TP63: variants seen among roughly 807,000 people sequenced by gnomAD.
TP63 encodes the protein tumor protein 63.
In TP63, 17 loss-of-function variants were observed where a neutral mutation model predicts 82.8. The ratio of observed to expected loss-of-function variants is 0.21; its 90% CI spans 0.14 to 0.31. The LOEUF is 0.31. Among genes scored for constraint, TP63 ranks in the 10% least tolerant of loss-of-function variants. The pLI is 1.00. For synonymous variants in TP63, 330 were observed against 321.7 expected, an observed-to-expected ratio of 1.03 and a Z score of -0.28; for missense variants, 648 against 895.3, an observed-to-expected ratio of 0.72 and a Z score of 3.52.
At chr3:189,891,117 A>G (rs1376697366) in intron 13 of TP63, among the ~76,000 whole-genome samples, 2 of 152,206 alleles carry the variant, frequency 1.3e-5, no homozygotes, top group African/African-American at 4.8e-5. Context: ...ACAATTGTCT[A>G]TTGCACTTAC....
chr3:189,840,846 G>GACTCA (rs1415045869), intron 4 of TP63, among the ~76,000 whole-genome samples: 2 of 114,984 alleles, frequency 1.7e-5, no homozygotes, highest in East Asian at 5.2e-4. Flanking sequence ...GACAGAGCAA[G>GACTCA]ACTCAGTCTC....
intron 1 of TP63, among the ~76,000 whole-genome samples, chr3:189,679,837 G>T (rs1375360372): frequency 6.6e-6 from 1 of 152,028 alleles, no homozygotes; most frequent in East Asian, 1.9e-4. Flanking sequence ...TCTTGACGTG[G>T]ATATTCAATT....
intron 1 of TP63, among the ~76,000 whole-genome samples, chr3:189,637,563 C>T (rs1711500903): frequency 6.6e-6 from 1 of 152,130 alleles, no homozygotes; most frequent in Non-Finnish European, 1.5e-5. Flanking sequence ...AAAATAGTAA[C>T]AGAACCAGGA....
the TP63 span, among the ~76,000 whole-genome samples, chr3:189,610,802 G>T: frequency 6.6e-6 from 1 of 152,096 alleles, no homozygotes; most frequent in Non-Finnish European, 1.5e-5. Flanking sequence ...CCTAGGCTGT[G>T]AAGAAAAAGA....
intron 10 of TP63, among the ~76,000 whole-genome samples, chr3:189,884,628 T>C (rs914221490): frequency 2.6e-5 from 4 of 152,194 alleles, no homozygotes; most frequent in Non-Finnish European, 5.9e-5. Context: ...TGAAATGTTT[T>C]ATAGTTGGGA....
intron 3 of TP63, among the ~76,000 whole-genome samples, chr3:189,750,479 T>A (rs796201453): frequency 2.2e-4 from 33 of 152,322 alleles, no homozygotes; most frequent in African/African-American, 7.9e-4. Flanking sequence ...GGACTTGAAA[T>A]GTTCTCAACA....
At chr3:189,864,148 A>C in intron 4 of TP63, 84 bp from the exon 5 acceptor site, 1 of 1,584,200 alleles carries the variant, frequency 6.3e-7, no homozygotes, top group Non-Finnish European at 8.7e-7. Context: ...AAGTGGACAG[A>C]TTTTCATTGT....
Position 189,866,742 on chromosome 3 carries a change from T to C in TP63, c.827T>C (p.Val276Ala). 6.2e-7 allele frequency: 1 copy of C among 1,614,080 alleles called. No homozygotes were observed. The highest frequency in any genetic ancestry group is 8.5e-7 in the Non-Finnish European group (1 of 1,180,006). Residue 276 changes from valine to alanine, a missense_variant, in exon 6 of 14, where the codon GTA becomes GCA. Physicochemically the swap from Val to Ala is moderately conservative, Grantham distance 64. Around this residue, in one of 5 missense-constraint regions of TP63, gnomAD observed 30 missense variants for 26.4 expected, o/e 1.14. Coordinates refer to ENST00000264731, the MANE Select transcript of TP63 (RefSeq NM_003722.5). ...GAGGGGAACAGCCATGCCCAGTATG[T>C]AGAAGATCCCATCACAGGAAGACAG... is the stretch of plus-strand genomic sequence containing the variant. Reference protein sequence around the residue: ...RVEGNSHAQYVEDPITGRQSV... With the variant: ...RVEGNSHAQYAEDPITGRQSV...
chr3:189,714,537 T>C (rs539689570), intron 1 of TP63, among the ~76,000 whole-genome samples: 1 of 152,326 alleles, frequency 6.6e-6, no homozygotes, highest in Non-Finnish European at 1.5e-5. Context: ...TTCTTTTCTG[T>C]CCATCCTAGT....
intron 1 of TP63, among the ~76,000 whole-genome samples, chr3:189,726,195 C>T (rs1305539235): frequency 6.6e-6 from 1 of 152,128 alleles, no homozygotes; most frequent in African/African-American, 2.4e-5. Flanking sequence ...CTCGGTCTTA[C>T]TCTCTGGGTG....
chr3:189,655,621 C>CA (rs1170915225), intron 1 of TP63, among the ~76,000 whole-genome samples: 234 of 145,958 alleles, frequency 1.6e-3, no homozygotes, highest in Middle Eastern at 0.011. Context: ...GACTCTGTCT[C>CA]AAAAAAAAAG....
chr3:189,894,591 C>T lies in TP63; in HGVS notation c.*89C>T. 4 of 1,475,820 alleles carry T rather than the reference C, an allele frequency of 2.7e-6. No individual in the cohort carries two copies. The highest frequency in any genetic ancestry group is 3.7e-6 in the Non-Finnish European group (4 of 1,082,252). 91.4% of individuals were successfully genotyped at this position (1,475,820 alleles called of 1,614,324 possible). A position where few individuals can be genotyped will look rare whatever the true frequency, so the allele number is the denominator to read the frequency against. On this transcript the variant is annotated 3_prime_UTR_variant, in exon 14 of 14. Transcript: ENST00000264731. ...TTAATCTTCAAAGCCTTCTCCCTAG[C>T]TCCTCCCCTTCCTCTTGTCTGATTT...
At chr3:189,729,017 G>A (rs759038461) in intron 1 of TP63, among the ~76,000 whole-genome samples, 4 of 150,304 alleles carry the variant, frequency 2.7e-5, no homozygotes, top group Middle Eastern at 3.2e-3. Flanking sequence ...AGGATGCAGG[G>A]TTAATGACTG....
At chr3:189,725,451 T>C (rs1394519935) in intron 1 of TP63, among the ~76,000 whole-genome samples, 3 of 152,220 alleles carry the variant, frequency 2.0e-5, no homozygotes, top group Admixed American at 2.0e-4. Context: ...ATTTTAAAGT[T>C]TAAAACTTCT....
chr3:189,681,965 G>T (rs1218626064), intron 1 of TP63, among the ~76,000 whole-genome samples: 1 of 152,092 alleles, frequency 6.6e-6, no homozygotes, highest in African/African-American at 2.4e-5. Context: ...GAGCACGGTG[G>T]CTCATGCCTG....
At chr3:189,804,655 A>G in intron 3 of TP63, among the ~76,000 whole-genome samples, 1 of 152,358 alleles carries the variant, frequency 6.6e-6, no homozygotes, top group Middle Eastern at 3.4e-3. Flanking sequence ...TATTTTAAAA[A>G]TTAACTTCTG....
rs531491637 is a variant in TP63, at chr3:189,780,836, G to A, written c.325-27436G>A. On this transcript the variant is annotated intron_variant, in intron 3 of 13. Coordinates refer to ENST00000264731, the MANE Select transcript of TP63 (RefSeq NM_003722.5). Reference sequence around the variant, plus strand: ...TTCCACCTCTCTGCTGGCGGTGACAGTGATGTCAGTTATCCTGGGTCCAGC... The same window carrying A: ...TTCCACCTCTCTGCTGGCGGTGACAATGATGTCAGTTATCCTGGGTCCAGC... Among the ~76,000 whole-genome samples the A allele has an allele frequency of 1.9e-3, 289 of 152,306 alleles. 1 individual carries two copies. Among genetic ancestry groups the A allele is most frequent in the Non-Finnish European group, 3.2e-3 (220 of 68,020 alleles).
intron 10 of TP63, chr3:189,881,542 A>T: frequency 1.0e-6 from 1 of 983,844 alleles, no homozygotes; most frequent in Non-Finnish European, 1.2e-6. Context: ...TTTTCCACTA[A>T]ATACTAGAAT....
intron 3 of TP63, among the ~76,000 whole-genome samples, chr3:189,739,318 G>A (rs1476843561): frequency 6.6e-6 from 1 of 152,266 alleles, no homozygotes; most frequent in South Asian, 2.1e-4. Context: ...GTTTCGCCAT[G>A]TTGGCCAAGC....
Sources: allele counts gnomAD v4.1 joint callset (sites outside exome capture counted in the v4.1 genomes callset), GRCh38; gene constraint gnomAD v4.1.1; regional missense constraint gnomAD v4.1.1; transcripts MANE v1.5; gene names NCBI Gene and HGNC (gene_info 2026-07-23, HGNC 2026-07-21).